PRKCE: variants seen among roughly 807,000 people sequenced by gnomAD.
PRKCE encodes the protein protein kinase C epsilon type.
PRKCE carries 16 observed loss-of-function variants against 85.4 expected under a neutral mutation model. The observed-to-expected ratio is 0.19, with a 90% CI of 0.13 to 0.28. The LOEUF is 0.28. Ranked by LOEUF, PRKCE falls within the 10% of genes least tolerant of loss-of-function variation. PRKCE has a pLI of 1.00. For synonymous variants in PRKCE, 388 were observed against 371.5 expected (o/e 1.04, Z -0.51); for missense variants, 573 against 975.2 (o/e 0.59, Z 5.49).
intron 1 of PRKCE, among the ~76,000 whole-genome samples, chr2:45,793,569 C>T (rs1255670147): frequency 3.3e-5 from 5 of 152,150 alleles, no homozygotes; most frequent in East Asian, 3.8e-4. Context: ...CAACTCCAGA[C>T]GGTGGCCTCA....
chr2:45,893,532 T>C (rs1225590031), intron 2 of PRKCE, among the ~76,000 whole-genome samples: 4 of 151,920 alleles, frequency 2.6e-5, no homozygotes, highest in African/African-American at 9.7e-5. Context: ...CACACCCAGC[T>C]AATTTTTGTA....
intron 1 of PRKCE, among the ~76,000 whole-genome samples, chr2:45,667,823 C>T (rs1675986612): frequency 6.6e-6 from 1 of 151,860 alleles, no homozygotes; most frequent in South Asian, 2.1e-4. Flanking sequence ...AAGGATGCAG[C>T]ACAACCACCA....
Position 46,004,469 on chromosome 2 carries a change from T to C in PRKCE, c.967-73T>C. 1 of 1,231,592 alleles carries C rather than the reference T, an allele frequency of 8.1e-7. No homozygotes were observed. Among genetic ancestry groups the C allele is most frequent in the South Asian group, 1.3e-5 (1 of 77,228 alleles). 76.3% of individuals were successfully genotyped at this position (1,231,592 alleles called of 1,614,324 possible). On this transcript the variant is annotated intron_variant, in intron 7 of 14. Transcript: ENST00000306156. This position sits in a 1 kb window ranked among gnomAD's most constrained non-coding sequence, Gnocchi z 4.1. ...CTCTCATGGCTCTTATACGGCATCT[T>C]GATGCTTTTGACATCAGAAAACTCT...
intron 2 of PRKCE, among the ~76,000 whole-genome samples, chr2:45,896,951 G>T (rs920116336): frequency 1.3e-5 from 2 of 152,046 alleles, no homozygotes. Flanking sequence ...GAATATTTCC[G>T]CCTGTAGTCC....
chr2:45,748,353 G>A (rs144811928), intron 1 of PRKCE, among the ~76,000 whole-genome samples: 20 of 152,322 alleles, frequency 1.3e-4, no homozygotes, highest in African/African-American at 4.3e-4. Context: ...AGGATGTGAC[G>A]TCAAGCCTGC....
intron 10 of PRKCE, among the ~76,000 whole-genome samples, chr2:46,083,524 G>T (rs889407371): frequency 6.7e-6 from 1 of 149,308 alleles, no homozygotes; most frequent in South Asian, 2.2e-4. Flanking sequence ...GTCCAGGGCT[G>T]GTGACTGTGG....
intron 1 of PRKCE, among the ~76,000 whole-genome samples, chr2:45,764,658 C>A (rs1000957910): frequency 7.2e-5 from 11 of 152,068 alleles, no homozygotes; most frequent in African/African-American, 2.7e-4. Flanking sequence ...TCTTTTATAT[C>A]ATAAATTTGA....
chr2:45,661,962 G>C (rs1675684007), intron 1 of PRKCE, among the ~76,000 whole-genome samples: 1 of 152,102 alleles, frequency 6.6e-6, no homozygotes, highest in Admixed American at 6.5e-5. Flanking sequence ...GGCATCTTTT[G>C]TTGCCAGTCT....
At chr2:45,977,184 A>T (rs1397831973) in intron 3 of PRKCE, among the ~76,000 whole-genome samples, 1 of 152,142 alleles carries the variant, frequency 6.6e-6, no homozygotes, top group Non-Finnish European at 1.5e-5. Flanking sequence ...GATGTGAGCC[A>T]TTGTACCCAG....
chr2:45,817,551 G>A (rs909044483), intron 1 of PRKCE, among the ~76,000 whole-genome samples: 8 of 152,046 alleles, frequency 5.3e-5, no homozygotes, highest in Admixed American at 1.3e-4. Flanking sequence ...AAAATCAGCC[G>A]GGCATGGTGG....
chr2:45,740,706 T>G (rs780753779), intron 1 of PRKCE, among the ~76,000 whole-genome samples: 22 of 152,218 alleles, frequency 1.4e-4, no homozygotes, highest in Admixed American at 7.9e-4. Flanking sequence ...ATCTGAGCAT[T>G]TTCCTTTTTC....
At position 46,001,494 on chromosome 2, in the gene PRKCE, A is replaced by G; in HGVS notation, c.914A>G (p.Asp305Gly). The change falls in exon 7 of 15, where the codon GAC becomes GGC. Residue 305 changes from aspartate (D) to glycine (G), a missense_variant. By Grantham distance (94) the Asp-to-Gly change is moderately conservative. Around this residue, in one of 11 missense-constraint regions of PRKCE, gnomAD observed 55 missense variants for 128.1 expected, o/e 0.43. Coordinates refer to ENST00000306156, the MANE Select transcript of PRKCE (RefSeq NM_005400.3). This position sits in a 1 kb window ranked among gnomAD's most constrained non-coding sequence, Gnocchi z 4.4. ...AGAGGAATCGCCAAAGTACTGGCCG[A>G]CCTGGGCGTTACCCCAGACAAAATC... Reference protein sequence around the residue: ...DARGIAKVLADLGVTPDKITN... With the variant: ...DARGIAKVLAGLGVTPDKITN... The G allele has an allele frequency of 6.3e-7, 1 of 1,599,498 alleles. No homozygotes were observed. The highest frequency in any genetic ancestry group is 8.5e-7 in the Non-Finnish European group (1 of 1,179,824).
At chr2:46,179,778 A>T (rs987748683) in intron 14 of PRKCE, among the ~76,000 whole-genome samples, 4 of 152,136 alleles carry the variant, frequency 2.6e-5, no homozygotes, top group Non-Finnish European at 5.9e-5. Flanking sequence ...TGCAGACCCC[A>T]TGGGCCTAGT....
At chr2:45,708,234 A>G (rs956396181) in intron 1 of PRKCE, among the ~76,000 whole-genome samples, 2 of 152,322 alleles carry the variant, frequency 1.3e-5, no homozygotes, top group East Asian at 3.9e-4. Context: ...CCACAGAACA[A>G]AGCTGTGAGG....
At chr2:45,845,863 G>C (rs1234491483) in intron 2 of PRKCE, 1 of 152,166 alleles carries the variant, frequency 6.6e-6, no homozygotes, top group Non-Finnish European at 1.5e-5. Flanking sequence ...GACAGTTAAG[G>C]TCATTTCCGG....
chr2:45,940,607 G>A (rs1699802706), intron 2 of PRKCE, among the ~76,000 whole-genome samples: 2 of 152,066 alleles, frequency 1.3e-5, no homozygotes, highest in African/African-American at 4.8e-5. Flanking sequence ...TACATTCACT[G>A]GTCCACACAT....
At chr2:45,899,703 A>C (rs538114322) in intron 2 of PRKCE, among the ~76,000 whole-genome samples, 46 of 152,138 alleles carry the variant, frequency 3.0e-4, no homozygotes, top group Non-Finnish European at 4.0e-4. Flanking sequence ...TTTAATGGCC[A>C]ACACCATAGT....
At chr2:45,964,101 A>G (rs1701572146) in intron 2 of PRKCE, among the ~76,000 whole-genome samples, 1 of 152,238 alleles carries the variant, frequency 6.6e-6, no homozygotes. Context: ...AAATAACCCC[A>G]TAGCCTTTAG....
At chr2:45,898,233 C>T (rs911339104) in intron 2 of PRKCE, among the ~76,000 whole-genome samples, 18 of 152,278 alleles carry the variant, frequency 1.2e-4, no homozygotes, top group African/African-American at 4.3e-4. Context: ...CCAGCCCACA[C>T]TAGGAGGGAG....
Sources: allele counts gnomAD v4.1 joint callset (sites outside exome capture counted in the v4.1 genomes callset), GRCh38; gene constraint gnomAD v4.1.1; regional missense constraint gnomAD v4.1.1; non-coding constraint Gnocchi (gnomAD v3.1); transcripts MANE v1.5; gene names NCBI Gene and HGNC (gene_info 2026-07-23, HGNC 2026-07-21).